The following CELF2 variants were observed in gnomAD, a reference collection of about 807,000 sequenced individuals.
CELF2 encodes the protein CUGBP Elav-like family member 2, also known as CUG triplet repeat RNA-binding protein 2.
Under a neutral mutation model 62.6 loss-of-function variants are expected in CELF2, and 8 were observed. The observed-to-expected ratio is 0.13, with a 90% confidence interval of 0.07 to 0.23. CELF2 has a LOEUF of 0.23. Among genes scored for constraint, CELF2 ranks in the 10% least tolerant of loss-of-function variants. The pLI is 1.00. For synonymous variants in CELF2, 258 were observed against 250.0 expected (o/e 1.03, Z -0.30); for missense variants, 333 against 671.0 (o/e 0.50, Z 5.56).
chr10:10,492,225 T>C, the CELF2 span, among the ~76,000 whole-genome samples: 3 of 152,178 alleles, frequency 2.0e-5, no homozygotes, highest in Non-Finnish European at 4.4e-5. Flanking sequence ...CATCTCCATC[T>C]CTAATCCGTT....
At chr10:10,901,951 G>A (rs188938993) in intron 1 of CELF2, among the ~76,000 whole-genome samples, 75 of 152,220 alleles carry the variant, frequency 4.9e-4, no homozygotes, top group Non-Finnish European at 9.1e-4. Context: ...AAGAAGACAC[G>A]CAAATGTCAA....
At chr10:10,579,664 C>T in the CELF2 span, among the ~76,000 whole-genome samples, 1 of 151,928 alleles carries the variant, frequency 6.6e-6, no homozygotes, top group Non-Finnish European at 1.5e-5. Flanking sequence ...GCAATGTTAC[C>T]CCGGAATAGT....
At chr10:11,181,168 C>G (rs1002045046) in intron 2 of CELF2, among the ~76,000 whole-genome samples, 1 of 152,168 alleles carries the variant, frequency 6.6e-6, no homozygotes, top group East Asian at 1.9e-4. Context: ...ACATTCCTGG[C>G]CCAGACATGG....
the CELF2 span, among the ~76,000 whole-genome samples, chr10:10,721,904 T>C: frequency 6.6e-6 from 1 of 152,242 alleles, no homozygotes; most frequent in African/African-American, 2.4e-5. Context: ...TTAATGAGCA[T>C]CTTCATCTGT....
At chr10:10,898,339 T>G (rs1271856780) in intron 1 of CELF2, among the ~76,000 whole-genome samples, 1 of 152,222 alleles carries the variant, frequency 6.6e-6, no homozygotes, top group African/African-American at 2.4e-5. Flanking sequence ...GGCCAATACC[T>G]TGATTTTGGA....
At chr10:10,890,899 C>A (rs1279748117) in intron 1 of CELF2, among the ~76,000 whole-genome samples, 1 of 152,126 alleles carries the variant, frequency 6.6e-6, no homozygotes, top group Non-Finnish European at 1.5e-5. Context: ...CCTATAATTC[C>A]AGCTACTCGG....
At chr10:10,821,194 G>A (rs1444556205) in intron 1 of CELF2, among the ~76,000 whole-genome samples, 1 of 152,190 alleles carries the variant, frequency 6.6e-6, no homozygotes, top group Non-Finnish European at 1.5e-5. Context: ...TGGACATCTA[G>A]CGTCCAAGGT....
chr10:10,668,050 A>G, the CELF2 span, among the ~76,000 whole-genome samples: 1 of 152,178 alleles, frequency 6.6e-6, no homozygotes, highest in Non-Finnish European at 1.5e-5. Context: ...CAGGCAAAAC[A>G]CCAGCCTAGA....
rs1301582370 is a variant in CELF2 at position 11,297,410 on chromosome 10, G to A, written c.976+8858G>A. Reference sequence around the variant, plus strand: ...AAAATCACCAGCAAGGCAAGGCGGGGACCAGGTGCAGAAAGCCTTGGGGTC... The same window carrying A: ...AAAATCACCAGCAAGGCAAGGCGGGAACCAGGTGCAGAAAGCCTTGGGGTC... On this transcript the variant is annotated intron_variant, in intron 9 of 12. Coordinates refer to ENST00000633077, the MANE Select transcript of CELF2 (RefSeq NM_001326342.2). This position sits in a 1 kb window ranked among gnomAD's most constrained non-coding sequence, Gnocchi z 4.4. 2.6e-5 allele frequency among the ~76,000 whole-genome samples: 4 copies of A among 152,164 alleles called. No homozygotes were observed. Among genetic ancestry groups the A allele is most frequent in the Admixed American group, 6.5e-5 (1 of 15,274 alleles).
At chr10:10,688,846 A>G in the CELF2 span, among the ~76,000 whole-genome samples, 1 of 150,094 alleles carries the variant, frequency 6.7e-6, no homozygotes, top group East Asian at 1.9e-4. Context: ...CCAAAAAAAA[A>G]TTAATTAATT....
chr10:10,544,433 A>G, the CELF2 span, among the ~76,000 whole-genome samples: 1 of 152,252 alleles, frequency 6.6e-6, no homozygotes, highest in African/African-American at 2.4e-5. Context: ...GTGACTTTGA[A>G]CAAACGGGTT....
At chr10:10,467,438 T>C in the CELF2 span, among the ~76,000 whole-genome samples, 1 of 152,184 alleles carries the variant, frequency 6.6e-6, no homozygotes. Context: ...CATGGATTTA[T>C]ACATTTATTC....
At chr10:11,213,456 A>G (rs1480958487) in intron 2 of CELF2, among the ~76,000 whole-genome samples, 1 of 152,120 alleles carries the variant, frequency 6.6e-6, no homozygotes, top group East Asian at 1.9e-4. Flanking sequence ...CAAGAAAGAA[A>G]ATTTCATCCT....
At chr10:10,949,434 G>T (rs112603505) in intron 2 of CELF2, among the ~76,000 whole-genome samples, 2 of 152,088 alleles carry the variant, frequency 1.3e-5, no homozygotes, top group East Asian at 1.9e-4. Context: ...CCATCATGCC[G>T]CAGAGGAGGG....
At chr10:11,307,680 T>C (rs559889462) in intron 9 of CELF2, among the ~76,000 whole-genome samples, 10 of 152,354 alleles carry the variant, frequency 6.6e-5, no homozygotes, top group African/African-American at 2.2e-4. Flanking sequence ...CAAGGCAGGC[T>C]TAATGAAACC....
rs567570582 is a variant in CELF2, at chr10:10,873,249, GCAGT to G, written c.54-46712_54-46709del. ...TCATTAATATTTAATAAAATTTGCA[GCAGT>G]CAATGAGCAAAATCAATGTTTTTTA... is the stretch of plus-strand genomic sequence containing the variant. On this transcript the variant is annotated intron_variant, in intron 1 of 13. Coordinates refer to the CELF2 transcript ENST00000636488. Among the ~76,000 whole-genome samples, 22 of 152,158 alleles carry G rather than the reference GCAGT, an allele frequency of 1.4e-4. No individual in the cohort carries two copies. The East Asian group carries it at 2.7e-3, about 19-fold the overall frequency.
chr10:11,017,446 G>A (rs1436898177), upstream of CELF2, among the ~76,000 whole-genome samples: 1 of 152,234 alleles, frequency 6.6e-6, no homozygotes, highest in Non-Finnish European at 1.5e-5. The surrounding 1 kb of genome is among the most constrained non-coding windows in gnomAD (Gnocchi z 5.5). Flanking sequence ...TCATAGATCT[G>A]ATCTTTATTT....
intron 1 of CELF2, among the ~76,000 whole-genome samples, chr10:10,858,326 C>T (rs1214063216): frequency 6.6e-6 from 1 of 152,078 alleles, no homozygotes. Context: ...TAAAGAGTAG[C>T]AAGAGAGAGA....
chr10:11,069,823 A>G (rs2069269657), intron 1 of CELF2, among the ~76,000 whole-genome samples: 1 of 152,238 alleles, frequency 6.6e-6, no homozygotes, highest in African/African-American at 2.4e-5. Context: ...ATGTTAAGAT[A>G]CTGCGTTTTG....
Sources: allele counts gnomAD v4.1 joint callset (sites outside exome capture counted in the v4.1 genomes callset), GRCh38; gene constraint gnomAD v4.1.1; non-coding constraint Gnocchi (gnomAD v3.1); transcripts MANE v1.5; gene names NCBI Gene and HGNC (gene_info 2026-07-23, HGNC 2026-07-21).